PALLD: variants seen among roughly 807,000 people sequenced by gnomAD.
PALLD encodes the protein palladin, cytoskeletal associated protein.
PALLD carries 61 observed loss-of-function variants against 123.5 expected under a neutral mutation model. The observed-to-expected ratio is 0.49, with a 90% CI of 0.40 to 0.61. The LOEUF is 0.61. PALLD is among the 20% of genes least tolerant of loss of function. PALLD has a pLI of 0.00. For synonymous variants in PALLD, 465 were observed against 496.4 expected (o/e 0.94, Z 0.84); for missense variants, 1,273 against 1,377.0 (o/e 0.92, Z 1.20).
rs1580132180 is a variant in PALLD at position 168,525,575 on chromosome 4, C to T, written c.908+13163C>T. 2.0e-5 allele frequency among the ~76,000 whole-genome samples: 3 copies of T among 152,308 alleles called. 1 individual carries two copies. In the South Asian group the frequency reaches 6.2e-4, roughly 32 times the overall value. ...TACAAATATCTTGACCAATTCATTT[C>T]CAACCTAGATGCTAGATATTTGGGA... is the stretch of plus-strand genomic sequence containing the variant. On this transcript the variant is annotated intron_variant, in intron 2 of 21. Coordinates refer to ENST00000505667, the MANE Select transcript of PALLD (RefSeq NM_001166108.2).
At chr4:168,517,431 T>C (rs963390228) in intron 2 of PALLD, among the ~76,000 whole-genome samples, 4 of 152,188 alleles carry the variant, frequency 2.6e-5, no homozygotes, top group African/African-American at 9.6e-5. Context: ...CTATATATAA[T>C]TAAAAGTAAT....
chr4:168,808,629 T>C (rs2150725907), intron 10 of PALLD, among the ~76,000 whole-genome samples: 1 of 152,334 alleles, frequency 6.6e-6, no homozygotes, highest in East Asian at 1.9e-4. Flanking sequence ...CTGGGCAATT[T>C]ACAAAAGAGA....
At chr4:168,774,099 T>C (rs1734830077) in intron 10 of PALLD, among the ~76,000 whole-genome samples, 2 of 150,602 alleles carry the variant, frequency 1.3e-5, no homozygotes, top group Admixed American at 1.3e-4. Context: ...AAAAAAAATA[T>C]ATATATCCTG....
At position 168,685,373 on chromosome 4, in the gene PALLD, C is replaced by T. The variant is rs1781932524; in HGVS notation, c.1261-112C>T. 9.0e-6 allele frequency: 7 copies of T among 775,904 alleles called. No homozygotes were observed. The East Asian group carries it at 1.5e-4, about 16-fold the overall frequency. The allele number at this position is 775,904 out of a possible 1,614,324, so 48.1% of individuals were successfully genotyped here. On this transcript the variant is annotated intron_variant, in intron 5 of 21. Coordinates refer to ENST00000505667, the MANE Select transcript of PALLD (RefSeq NM_001166108.2). ...GCAAAATGATGTATGGTGGTACTTT[C>T]ATTCACTCATTTCCTTCAAGTGGGT...
At chr4:168,643,132 G>A (rs994470306) in intron 2 of PALLD, among the ~76,000 whole-genome samples, 1 of 152,174 alleles carries the variant, frequency 6.6e-6, no homozygotes, top group African/African-American at 2.4e-5. Context: ...TGGATGACTT[G>A]TTAAAGGATC....
intron 3 of PALLD, among the ~76,000 whole-genome samples, chr4:168,672,793 A>G (rs559629677): frequency 1.3e-5 from 2 of 152,278 alleles, no homozygotes; most frequent in Middle Eastern, 6.8e-3. Flanking sequence ...TAAGCACCGC[A>G]TGTTCTCACT....
intron 3 of PALLD, among the ~76,000 whole-genome samples, chr4:168,670,312 T>C (rs530638869): frequency 6.6e-6 from 1 of 152,340 alleles, no homozygotes; most frequent in African/African-American, 2.4e-5. Flanking sequence ...CCTGTCAACT[T>C]AATTTAACCA....
chr4:168,900,440 C>T (rs1475222484), intron 14 of PALLD, among the ~76,000 whole-genome samples: 1 of 151,550 alleles, frequency 6.6e-6, no homozygotes, highest in East Asian at 1.9e-4. Flanking sequence ...AAGATAGTAC[C>T]AAAAAATACA....
At chr4:168,582,095 A>G (rs886098681) in intron 2 of PALLD, among the ~76,000 whole-genome samples, 1 of 151,948 alleles carries the variant, frequency 6.6e-6, no homozygotes, top group African/African-American at 2.4e-5. Flanking sequence ...TGGGTTCTCT[A>G]CTATGTTTCA....
chr4:168,718,474 C>A (rs947924547), intron 10 of PALLD, among the ~76,000 whole-genome samples: 13 of 152,126 alleles, frequency 8.5e-5, no homozygotes, highest in African/African-American at 2.9e-4. Context: ...AACCTGTAGA[C>A]TTAAATCATC....
intron 8 of PALLD, among the ~76,000 whole-genome samples, chr4:168,702,470 C>T (rs944553702): frequency 2.0e-5 from 3 of 152,176 alleles, no homozygotes; most frequent in African/African-American, 7.2e-5. Context: ...AGGAGAATCA[C>T]TTGAATCTGG....
At chr4:168,582,503 T>C (rs1426920568) in intron 2 of PALLD, among the ~76,000 whole-genome samples, 1 of 152,128 alleles carries the variant, frequency 6.6e-6, no homozygotes, top group African/African-American at 2.4e-5. Context: ...TGTACTATGT[T>C]GAATTTCTGA....
intron 2 of PALLD, among the ~76,000 whole-genome samples, chr4:168,585,261 G>A (rs1770693896): frequency 6.6e-6 from 1 of 151,600 alleles, no homozygotes; most frequent in Non-Finnish European, 1.5e-5. Flanking sequence ...ACATCCTTAT[G>A]AGTAGTGTGT....
chr4:168,885,910 C>T lies in PALLD; in HGVS notation c.1965-5012C>T, dbSNP rs150897464. ...GCTATAAATTGTCCTCTTCCAGGAC[C>T]TAACTATTTGGGTAAAGAACCTACA... On this transcript the variant is annotated intron_variant, in intron 10 of 21. Transcript: ENST00000505667. 2.0e-5 allele frequency among the ~76,000 whole-genome samples: 3 copies of T among 152,276 alleles called. No individual in the cohort carries two copies. The South Asian group carries it at 6.2e-4, about 32-fold the overall frequency.
chr4:168,877,716 C>T (rs1751946372), intron 10 of PALLD: 4 of 1,130,202 alleles, frequency 3.5e-6, no homozygotes, highest in African/African-American at 1.6e-5. Context: ...TCTCTTTTTC[C>T]CCCCAGGGAC....
chr4:168,899,397 TA>T (rs980328954), intron 14 of PALLD, among the ~76,000 whole-genome samples: 2 of 150,988 alleles, frequency 1.3e-5, no homozygotes, highest in Non-Finnish European at 3.0e-5. Context: ...GTGAAAAGAA[TA>T]AAAAAAAGGG....
At chr4:168,628,275 A>G (rs1775486647) in intron 2 of PALLD, among the ~76,000 whole-genome samples, 1 of 152,216 alleles carries the variant, frequency 6.6e-6, no homozygotes, top group Admixed American at 6.5e-5. Flanking sequence ...TGCCACATTA[A>G]ACACAGGCAT....
At chr4:168,656,716 G>A (rs923819962) in intron 2 of PALLD, among the ~76,000 whole-genome samples, 1 of 152,166 alleles carries the variant, frequency 6.6e-6, no homozygotes, top group Non-Finnish European at 1.5e-5. Context: ...ATTGTGGGGG[G>A]AAATCCAGTA....
chr4:168,718,688 T>C (rs1343942859), intron 10 of PALLD, among the ~76,000 whole-genome samples: 2 of 152,210 alleles, frequency 1.3e-5, no homozygotes, highest in African/African-American at 4.8e-5. Flanking sequence ...TACATGCCTA[T>C]CAAGCAAATA....
Sources: gnomAD v4.1 joint callset for allele counts (sites outside exome capture counted in the v4.1 genomes callset) on GRCh38, gnomAD v4.1.1 for gene constraint, MANE v1.5 for transcripts, NCBI Gene and HGNC (gene_info 2026-07-23, HGNC 2026-07-21) for gene names.